The following HERC1 variants were observed in gnomAD, a reference collection of about 807,000 sequenced individuals.
HERC1 encodes HECT and RLD domain containing E3 ubiquitin protein ligase family member 1.
Under a neutral mutation model 554.3 loss-of-function variants are expected in HERC1, and 160 were observed. The ratio of observed to expected loss-of-function variants is 0.29; its 90% CI spans 0.25 to 0.33. HERC1 has a LOEUF of 0.33. Ranked by LOEUF, HERC1 falls within the 10% of genes least tolerant of loss-of-function variation. The pLI, the probability that HERC1 is intolerant of heterozygous loss-of-function variation, is 1.00. For missense variants in HERC1, 4,919 were observed against 5,918.5 expected, an observed-to-expected ratio of 0.83 and a Z score of 5.54; for synonymous variants, 2,175 against 2,131.7, an observed-to-expected ratio of 1.02 and a Z score of -0.56.
chr15:63,712,818 G>A lies in HERC1; in HGVS notation c.4541C>T (p.Ser1514Phe). 2 of 1,613,658 alleles carry A rather than the reference G, an allele frequency of 1.2e-6. No individual in the cohort carries two copies. Among genetic ancestry groups the A allele is most frequent in the Middle Eastern group, 1.6e-4 (1 of 6,062 alleles). ...NYRLIKSRSE[S>F]DLSQPESDEE... ...ATCTGATTCAGGCTGAGACAAATCA[G>A]ATTCACTCCTCGATTTGATCAGTCT... The change falls in exon 24 of 78, where the codon TCT becomes TTT. Residue 1514 changes from serine (S) to phenylalanine (F), a missense_variant. Physicochemically the swap from Ser to Phe is radical, Grantham distance 155. Coordinates refer to ENST00000443617, the MANE Select transcript of HERC1 (RefSeq NM_003922.4).
intron 48 of HERC1, among the ~76,000 whole-genome samples, chr15:63,658,226 G>A (rs560384344): frequency 3.5e-4 from 53 of 152,182 alleles, no homozygotes; most frequent in East Asian, 7.7e-4. Flanking sequence ...CTACACAGAC[G>A]GTCAATACAT....
chr15:63,826,800 AAAAAAAAAAAAAAAATAT>A (rs1410308855), intron 1 of HERC1, among the ~76,000 whole-genome samples: 10 of 54,658 alleles, frequency 1.8e-4, no homozygotes, highest in African/African-American at 6.9e-4. Context: ...AAAAAAAAAA[AAAAAAAAAAAAAAAATAT>A]ATATATATAT....
intron 40 of HERC1, among the ~76,000 whole-genome samples, chr15:63,667,023 T>C (rs756738284): frequency 1.3e-5 from 2 of 152,246 alleles, no homozygotes; most frequent in South Asian, 4.1e-4. Context: ...AAGTGCTGTC[T>C]AGTGTTTCTA....
intron 34 of HERC1, among the ~76,000 whole-genome samples, chr15:63,685,454 C>G (rs2071702702): frequency 3.3e-5 from 5 of 152,214 alleles, no homozygotes; most frequent in Admixed American, 3.3e-4. Flanking sequence ...TGTGTGTGCA[C>G]CTTATCATAA....
chr15:63,697,987 A>T (rs150800103), intron 26 of HERC1, among the ~76,000 whole-genome samples: 3 of 152,230 alleles, frequency 2.0e-5, no homozygotes, highest in Non-Finnish European at 2.9e-5. Flanking sequence ...AAGGCTATGC[A>T]AACATCTTAT....
rs555319857 is a variant in HERC1 at position 63,649,125 on chromosome 15, T to C, written c.10747+600A>G. Among the ~76,000 whole-genome samples, 173 of 152,206 alleles carry C rather than the reference T, an allele frequency of 1.1e-3. 1 individual carries two copies. Among genetic ancestry groups the C allele is most frequent in the African/African-American group, 2.4e-3 (98 of 41,550 alleles). On this transcript the variant is annotated intron_variant, in intron 54 of 77. Coordinates refer to ENST00000443617, the MANE Select transcript of HERC1 (RefSeq NM_003922.4). ...ATCCCAGGACTTTGGGAGGCCAAGG[T>C]GGGCGGATCACAAGGTGAGGAGATC...
At chr15:63,688,256 T>C (rs1024346148) in intron 33 of HERC1, among the ~76,000 whole-genome samples, 1 of 152,084 alleles carries the variant, frequency 6.6e-6, no homozygotes, top group Non-Finnish European at 1.5e-5. Context: ...ATTGTATGGA[T>C]AGAGAAATGG....
Position 63,669,698 on chromosome 15 carries a change from C to T in HERC1, c.8046G>A (p.Arg2682=), listed in dbSNP as rs1222818845. Reference sequence around the variant, plus strand: ...TAGTTGGGTAACTAGAGAACATTTGCCTTTAAGAAAATAACAGTGGTTAGC... The same window carrying T: ...TAGTTGGGTAACTAGAGAACATTTGTCTTTAAGAAAATAACAGTGGTTAGC... The part of the protein sequence containing the change: ...SPGVMPLSLL[R]QMFSSYPTTT... The change falls in exon 40 of 78, where the codon AGG becomes AGA. Residue 2682 remains arginine, a splice_region_variant and synonymous_variant. Coordinates refer to ENST00000443617, the MANE Select transcript of HERC1 (RefSeq NM_003922.4). 2 of 1,612,120 alleles carry T rather than the reference C, an allele frequency of 1.2e-6. No individual in the cohort carries two copies. The highest frequency in any genetic ancestry group is 1.1e-5 in the South Asian group (1 of 90,996).
chr15:63,819,705 A>G (rs2077619731), intron 1 of HERC1, among the ~76,000 whole-genome samples: 1 of 152,150 alleles, frequency 6.6e-6, no homozygotes, highest in South Asian at 2.1e-4. Flanking sequence ...ACACCCATAT[A>G]TCATGGTCCT....
At chr15:63,699,472 A>G (rs974184613) in intron 25 of HERC1, among the ~76,000 whole-genome samples, 2 of 152,254 alleles carry the variant, frequency 1.3e-5, no homozygotes, top group Non-Finnish European at 2.9e-5. Flanking sequence ...CATATCTGCA[A>G]TGAAACATTA....
At chr15:63,628,911 A>C in intron 69 of HERC1, 96 bp from the exon 70 acceptor site, 1 of 1,164,614 alleles carries the variant, frequency 8.6e-7, no homozygotes, top group Non-Finnish European at 1.2e-6. Flanking sequence ...GACATAAATA[A>C]GTTAATAACT....
chr15:63,678,295 G>C lies in HERC1; in HGVS notation c.6620C>G (p.Pro2207Arg). The change falls in exon 37 of 78, where the codon CCA becomes CGA. Residue 2207 changes from proline to arginine, a missense_variant. Physicochemically the swap from Pro to Arg is moderately radical, Grantham distance 103 (BLOSUM62 -2). Coordinates refer to ENST00000443617, the MANE Select transcript of HERC1 (RefSeq NM_003922.4). ...DLLPGDPICS[P>R]VAAVLAEATI... ...GGCCTCAGCCAGCACTGCTGCTACT[G>C]GACTACAAATAGGGTCTCCTGGAAG... 1 of 1,613,454 alleles carries C rather than the reference G, an allele frequency of 6.2e-7. No individual in the cohort carries two copies. The highest frequency in any genetic ancestry group is 8.5e-7 in the Non-Finnish European group (1 of 1,179,710).
chr15:63,725,229 G>C, intron 18 of HERC1, 63 bp downstream of exon 18: 6 of 1,407,240 alleles, frequency 4.3e-6, no homozygotes, highest in East Asian at 2.4e-5. Context: ...AATCAGAATA[G>C]AGAAATCTCC....
In HERC1 at chr15:63,819,593, C is replaced by T. The variant is rs142191661; in HGVS notation, c.-27+14234G>A. ...ACCAATTACTGTTCTCTTCTAACAT[C>T]TATTCCTCTCCTTGGCAAAACAGAA... On this transcript the variant is annotated intron_variant, in intron 1 of 77. Transcript: ENST00000443617. 1.0e-3 allele frequency among the ~76,000 whole-genome samples: 159 copies of T among 152,270 alleles called. 1 individual carries two copies. The highest frequency in any genetic ancestry group is 3.8e-3 in the African/African-American group (157 of 41,556).
intron 52 of HERC1, 77 bp downstream of exon 52, chr15:63,652,337 T>C (rs1269769167): frequency 2.2e-6 from 3 of 1,359,122 alleles, no homozygotes; most frequent in East Asian, 2.6e-5. Flanking sequence ...ACAATATGAT[T>C]ACATTAACAC....
chr15:63,675,839 T>C (rs2071171295), intron 37 of HERC1, among the ~76,000 whole-genome samples: 2 of 152,072 alleles, frequency 1.3e-5, no homozygotes, highest in Admixed American at 1.3e-4. Flanking sequence ...CTTTCTATTT[T>C]CCTCTAGGCT....
chr15:63,756,342 C>T lies in HERC1; in HGVS notation c.1533+95G>A. Reference sequence around the variant, plus strand: ...AGATTAAGCCAAAGGGTTGAAGGGGCAACTGCAGAAAGAACACATCAAAAT... The same window carrying T: ...AGATTAAGCCAAAGGGTTGAAGGGGTAACTGCAGAAAGAACACATCAAAAT... On this transcript the variant is annotated intron_variant, in intron 5 of 77. Transcript: ENST00000443617. This position sits in a 1 kb window ranked among gnomAD's most constrained non-coding sequence, Gnocchi z 5.0. 2.0e-6 allele frequency: 2 copies of T among 1,003,828 alleles called. No individual in the cohort carries two copies. The highest frequency in any genetic ancestry group is 1.5e-6 in the Non-Finnish European group (1 of 664,386). The allele number at this position is 1,003,828 out of a possible 1,614,324, so 62.2% of individuals were successfully genotyped here.
At chr15:63,736,326 G>C (rs2074503527) in intron 12 of HERC1, among the ~76,000 whole-genome samples, 1 of 152,102 alleles carries the variant, frequency 6.6e-6, no homozygotes, top group Admixed American at 6.6e-5. Context: ...ACTAAAATTG[G>C]GTGATTTCAA....
At chr15:63,826,662 C>T (rs754932962) in intron 1 of HERC1, among the ~76,000 whole-genome samples, 6 of 150,734 alleles carry the variant, frequency 4.0e-5, no homozygotes, top group Admixed American at 2.0e-4. Flanking sequence ...TGTATGAATG[C>T]AGTATTAGTG....
Sources: allele counts gnomAD v4.1 joint callset (sites outside exome capture counted in the v4.1 genomes callset), GRCh38; gene constraint gnomAD v4.1.1; non-coding constraint Gnocchi (gnomAD v3.1); transcripts MANE v1.5; gene names NCBI Gene and HGNC (gene_info 2026-07-23, HGNC 2026-07-21).